Variants in AGAP1 observed in about 807,000 individuals in gnomAD.
AGAP1 encodes ArfGAP with GTPase domain, ankyrin repeat and PH domain 1, also known as arf-GAP with GTPase, ANK repeat and PH domain-containing protein 1.
In AGAP1, 29 loss-of-function variants were observed where a neutral mutation model predicts 105.3. The observed-to-expected ratio is 0.28, with a 90% confidence interval of 0.21 to 0.38. The LOEUF is 0.38. Among genes scored for constraint, AGAP1 ranks in the 10% least tolerant of loss-of-function variants. The probability of loss-of-function intolerance (pLI) is 1.00; values close to 1 mark genes in which losing one functional copy is unlikely to be tolerated. For synonymous variants in AGAP1, 509 were observed against 485.9 expected (o/e 1.05, Z -0.63); for missense variants, 998 against 1,165.1 (o/e 0.86, Z 2.09).
Position 236,046,591 on chromosome 2 carries a change from G to C in AGAP1, c.1892-2468G>C, listed in dbSNP as rs1354126770. Among the ~76,000 whole-genome samples, 1 of 152,160 alleles carries C rather than the reference G, an allele frequency of 6.6e-6. No homozygotes were observed. Among genetic ancestry groups the C allele is most frequent in the Non-Finnish European group, 1.5e-5 (1 of 68,024 alleles). The stretch of plus-strand genomic sequence containing the variant: ...CATTTGCAGAGTGGATGTTGACTAG[G>C]AGATTCTCCCAACTGAAATGTACGT... On this transcript the variant is annotated intron_variant, in intron 15 of 17. Transcript: ENST00000304032. This position sits in a 1 kb window ranked among gnomAD's most constrained non-coding sequence, Gnocchi z 5.2.
At position 235,893,202 on chromosome 2, in the gene AGAP1, T is replaced by TGCCATGTCCATCATAATGAAGC. The variant is rs2050627846; in HGVS notation, c.1155+9754_1155+9775dup. The stretch of plus-strand genomic sequence containing the variant: ...CTTTGGCGCGGGTGTGGCGTGGGTG[T>TGCCATGTCCATCATAATGAAGC]GCCATGTCCATCATAATGAAGCACC... On this transcript the variant is annotated intron_variant, in intron 10 of 17. Coordinates refer to ENST00000304032, the MANE Select transcript of AGAP1 (RefSeq NM_001037131.3). The surrounding 1 kb of genome is among the most constrained non-coding windows in gnomAD (Gnocchi z 4.7). Among the ~76,000 whole-genome samples the TGCCATGTCCATCATAATGAAGC allele has an allele frequency of 6.6e-6, 1 of 151,162 alleles. No individual in the cohort carries two copies. The highest frequency in any genetic ancestry group is 1.5e-5 in the Non-Finnish European group (1 of 67,816).
At chr2:236,010,543 G>A (rs2056475453) in intron 13 of AGAP1, among the ~76,000 whole-genome samples, 1 of 152,190 alleles carries the variant, frequency 6.6e-6, no homozygotes, top group African/African-American at 2.4e-5. Context: ...TGAGTGGAGT[G>A]ACACCCATCC....
intron 11 of AGAP1, among the ~76,000 whole-genome samples, chr2:235,928,667 G>A (rs576797443): frequency 3.3e-5 from 5 of 152,324 alleles, no homozygotes; most frequent in Non-Finnish European, 7.3e-5. Flanking sequence ...AGGGGGTCCC[G>A]AGATGGGAGT....
At chr2:235,770,198 G>A (rs1288679403) in intron 6 of AGAP1, among the ~76,000 whole-genome samples, 2 of 150,330 alleles carry the variant, frequency 1.3e-5, no homozygotes, top group Non-Finnish European at 3.0e-5. Context: ...TGGGATCTCC[G>A]CCCACTGTAA....
Position 235,830,077 on chromosome 2 carries a change from C to T in AGAP1, c.1050+22746C>T, listed in dbSNP as rs1361070364. On this transcript the variant is annotated intron_variant, in intron 9 of 17. Transcript: ENST00000304032. This position sits in a 1 kb window ranked among gnomAD's most constrained non-coding sequence, Gnocchi z 5.5. ...ACAGCATGATGCAGAGCTTTGGCGG[C>T]TGGCTGATGGAGTCGTTCTCATTTG... is the stretch of plus-strand genomic sequence containing the variant. Among the ~76,000 whole-genome samples, 3 of 152,164 alleles carry T rather than the reference C, an allele frequency of 2.0e-5. No homozygotes were observed. The highest frequency in any genetic ancestry group is 4.4e-5 in the Non-Finnish European group (3 of 68,036).
rs531748777 is a variant in AGAP1 at position 235,780,445 on chromosome 2, G to T, written c.674-17314G>T. Among the ~76,000 whole-genome samples the T allele has an allele frequency of 6.6e-5, 10 of 152,152 alleles. No individual in the cohort carries two copies. In the East Asian group the frequency reaches 9.6e-4, roughly 15 times the overall value. On this transcript the variant is annotated intron_variant, in intron 6 of 17. Coordinates refer to ENST00000304032, the MANE Select transcript of AGAP1 (RefSeq NM_001037131.3). Reference sequence around the variant, plus strand: ...TCTTCTGTCAGTGTGATTCTTGGTGGTTTTTTATTTTTTTGGAGAAGTGTA... The same window carrying T: ...TCTTCTGTCAGTGTGATTCTTGGTGTTTTTTTATTTTTTTGGAGAAGTGTA...
chr2:235,544,963 C>T (rs1943574304), intron 1 of AGAP1, among the ~76,000 whole-genome samples: 1 of 152,170 alleles, frequency 6.6e-6, no homozygotes, highest in South Asian at 2.1e-4. Flanking sequence ...TAGCAGTATT[C>T]TAACGGGGTA....
intron 1 of AGAP1, among the ~76,000 whole-genome samples, chr2:235,531,022 T>C (rs1018203759): frequency 3.9e-5 from 6 of 152,324 alleles, no homozygotes; most frequent in African/African-American, 1.4e-4. Context: ...TCCACAGACT[T>C]CCACTTCAGT....
At position 236,105,695 on chromosome 2, in the gene AGAP1, G is replaced by A. The variant is rs1057348680; in HGVS notation, c.2115-14497G>A. Among the ~76,000 whole-genome samples the A allele has an allele frequency of 1.5e-5, 2 of 129,980 alleles. No individual in the cohort carries two copies. Among genetic ancestry groups the A allele is most frequent in the South Asian group, 2.7e-4 (1 of 3,732 alleles). 85.3% of individuals were successfully genotyped at this position (129,980 alleles called of 152,430 possible). A position where few individuals can be genotyped will look rare whatever the true frequency, so the allele number is the denominator to read the frequency against. ...GTTCACGCCATTCTCCCGCGTTCAC[G>A]CCATTCTCCCACCTCAGCCTCCCGA... is the stretch of plus-strand genomic sequence containing the variant. On this transcript the variant is annotated intron_variant, in intron 16 of 17. Coordinates refer to ENST00000304032, the MANE Select transcript of AGAP1 (RefSeq NM_001037131.3). This position sits in a 1 kb window ranked among gnomAD's most constrained non-coding sequence, Gnocchi z 4.2.
At chr2:236,030,147 T>C (rs2057181450) in intron 13 of AGAP1, among the ~76,000 whole-genome samples, 2 of 152,222 alleles carry the variant, frequency 1.3e-5, no homozygotes, top group Non-Finnish European at 2.9e-5. Context: ...CTGTTACTCT[T>C]AAGAAGTCTG....
chr2:235,612,744 C>T lies in AGAP1; in HGVS notation c.164-96435C>T, dbSNP rs1946175482. The stretch of plus-strand genomic sequence containing the variant: ...GCCGGCCAGGTGTGCTGAGTGCCAC[C>T]TGGGCTTGCATGCCGGACGCATACC... On this transcript the variant is annotated intron_variant, in intron 1 of 17. Coordinates refer to ENST00000304032, the MANE Select transcript of AGAP1 (RefSeq NM_001037131.3). The surrounding 1 kb of genome is among the most constrained non-coding windows in gnomAD (Gnocchi z 4.3). 6.6e-6 allele frequency among the ~76,000 whole-genome samples: 1 copy of T among 152,168 alleles called. No homozygotes were observed. Among genetic ancestry groups the T allele is most frequent in the Admixed American group, 6.5e-5 (1 of 15,270 alleles).
chr2:235,731,553 G>A (rs1951947140), intron 3 of AGAP1, among the ~76,000 whole-genome samples: 1 of 152,206 alleles, frequency 6.6e-6, no homozygotes, highest in South Asian at 2.1e-4. Flanking sequence ...ACAGAAGACA[G>A]GCATCTCTCA....
intron 9 of AGAP1, among the ~76,000 whole-genome samples, chr2:235,878,582 C>G (rs552587405): frequency 1.0e-3 from 156 of 152,290 alleles, no homozygotes; most frequent in Admixed American, 2.2e-3. Flanking sequence ...CTTGAAGACA[C>G]TCAGGGTTGA....
At chr2:235,603,161 A>G (rs966413087) in intron 1 of AGAP1, among the ~76,000 whole-genome samples, 1 of 152,176 alleles carries the variant, frequency 6.6e-6, no homozygotes, top group African/African-American at 2.4e-5. Context: ...ATGGTAGTGA[A>G]TAAGCCTCCT....
intron 16 of AGAP1, among the ~76,000 whole-genome samples, chr2:236,085,682 T>G (rs1167726112): frequency 6.6e-6 from 1 of 152,230 alleles, no homozygotes; most frequent in Non-Finnish European, 1.5e-5. Flanking sequence ...GACTGGGGGC[T>G]GGAAGAGGGT....
At position 235,691,174 on chromosome 2, in the gene AGAP1, C is replaced by G. The variant is rs1575141234; in HGVS notation, c.164-18005C>G. Among the ~76,000 whole-genome samples the G allele has an allele frequency of 6.6e-6, 1 of 152,174 alleles. No homozygotes were observed. The highest frequency in any genetic ancestry group is 1.5e-5 in the Non-Finnish European group (1 of 68,034). On this transcript the variant is annotated intron_variant, in intron 1 of 17. Coordinates refer to ENST00000304032, the MANE Select transcript of AGAP1 (RefSeq NM_001037131.3). The surrounding 1 kb of genome is among the most constrained non-coding windows in gnomAD (Gnocchi z 4.4). Reference sequence around the variant, plus strand: ...GAGGCCTTGGTCCCTTCTGAGAGACCCCAGCCCCGAGAGGCTCTGGGCTGC... The same window carrying G: ...GAGGCCTTGGTCCCTTCTGAGAGACGCCAGCCCCGAGAGGCTCTGGGCTGC...
chr2:235,906,644 C>T lies in AGAP1; in HGVS notation c.1156-2094C>T, dbSNP rs149325918. 2.2e-4 allele frequency among the ~76,000 whole-genome samples: 33 copies of T among 151,010 alleles called. No homozygotes were observed. The highest frequency in any genetic ancestry group is 5.4e-4 in the African/African-American group (22 of 40,402). On this transcript the variant is annotated intron_variant, in intron 10 of 17. Coordinates refer to ENST00000304032, the MANE Select transcript of AGAP1 (RefSeq NM_001037131.3). This position sits in a 1 kb window ranked among gnomAD's most constrained non-coding sequence, Gnocchi z 5.3. ...GGCAGCCTGTAAGTCATGTTGGTTG[C>T]GGGAAGGTCTACATTGTCACACCCC...
chr2:235,813,637 C>T (rs1349678922), intron 9 of AGAP1, among the ~76,000 whole-genome samples: 1 of 152,202 alleles, frequency 6.6e-6, no homozygotes, highest in African/African-American at 2.4e-5. Flanking sequence ...TAGGGCTGGG[C>T]GTTGACAGCT....
At chr2:235,561,745 T>C (rs1209231805) in intron 1 of AGAP1, among the ~76,000 whole-genome samples, 1 of 152,234 alleles carries the variant, frequency 6.6e-6, no homozygotes, top group African/African-American at 2.4e-5. Flanking sequence ...GAACTGTAAT[T>C]GACTTAGTGT....
Sources: gnomAD v4.1 joint callset for allele counts (sites outside exome capture counted in the v4.1 genomes callset) on GRCh38, gnomAD v4.1.1 for gene constraint, Gnocchi (gnomAD v3.1) non-coding constraint, MANE v1.5 for transcripts, NCBI Gene and HGNC (gene_info 2026-07-23, HGNC 2026-07-21) for gene names.